Variants in APBB2 observed in about 807,000 individuals in gnomAD.
The protein encoded by APBB2 is Fe65-like 1.
Under a neutral mutation model 82.5 loss-of-function variants are expected in APBB2, and 38 were observed. The ratio of observed to expected loss-of-function variants is 0.46; its 90% confidence interval spans 0.36 to 0.60. The LOEUF is 0.60. Ranked by LOEUF, APBB2 falls within the 20% of genes least tolerant of loss-of-function variation. The pLI is 0.00. For synonymous variants in APBB2, 341 were observed against 368.2 expected, an observed-to-expected ratio of 0.93 and a Z score of 0.85; for missense variants, 772 against 972.3, an observed-to-expected ratio of 0.79 and a Z score of 2.74.
chr4:40,906,078 A>G (rs557329427), intron 10 of APBB2, among the ~76,000 whole-genome samples: 1 of 152,324 alleles, frequency 6.6e-6, no homozygotes, highest in Admixed American at 6.5e-5. Context: ...TCCTTTTAAG[A>G]CACAAGATAC....
intron 3 of APBB2, among the ~76,000 whole-genome samples, chr4:41,090,615 T>C (rs1181352513): frequency 1.3e-5 from 2 of 152,194 alleles, no homozygotes; most frequent in East Asian, 3.9e-4. Context: ...TAAAAAGATA[T>C]AGAATGCTAC....
In APBB2 at chr4:41,013,912, T is replaced by A. The variant is rs748886205; in HGVS notation, c.506A>T (p.Glu169Val). 3.7e-5 allele frequency: 60 copies of A among 1,614,056 alleles called. No homozygotes were observed. The highest frequency in any genetic ancestry group is 4.8e-5 in the Non-Finnish European group (57 of 1,180,014). The change falls in exon 6 of 18, where the codon GAA (glutamate) becomes GTA (valine). Residue 169 changes from glutamate to valine, a missense_variant. Glu to Val is a moderately radical substitution (Grantham distance 121). Transcript: ENST00000508593. ...KSFLNYYADL[E>V]TSARELEQNR... is the part of the protein sequence containing the mutation. ...CTGCTCTAGTTCTCTGGCTGAGGTTTCCAGATCTGCATAGTAATTTAGGAA... is the reference window on the plus strand; with the variant it reads ...CTGCTCTAGTTCTCTGGCTGAGGTTACCAGATCTGCATAGTAATTTAGGAA...
chr4:41,088,569 A>G (rs925676048), intron 3 of APBB2, among the ~76,000 whole-genome samples: 4 of 152,206 alleles, frequency 2.6e-5, no homozygotes, highest in Non-Finnish European at 5.9e-5. Flanking sequence ...AAGACTTGGG[A>G]GAAGGAAGGA....
chr4:41,008,649 T>C (rs1334847030), intron 6 of APBB2, among the ~76,000 whole-genome samples: 1 of 152,238 alleles, frequency 6.6e-6, no homozygotes, highest in Non-Finnish European at 1.5e-5. Flanking sequence ...ATAATAATCA[T>C]GAATATTCAT....
chr4:40,861,014 G>A (rs1245847661), intron 12 of APBB2, among the ~76,000 whole-genome samples: 1 of 152,054 alleles, frequency 6.6e-6, no homozygotes, highest in Non-Finnish European at 1.5e-5. Context: ...ATGTATTTCT[G>A]ACCAGCTGGG....
chr4:40,960,048 C>A (rs1218515917), intron 6 of APBB2, among the ~76,000 whole-genome samples: 3 of 151,918 alleles, frequency 2.0e-5, no homozygotes, highest in African/African-American at 7.3e-5. Flanking sequence ...AGGTTAAGTG[C>A]CCTTAAAAAA....
chr4:40,985,676 T>C (rs1343787138), intron 6 of APBB2, among the ~76,000 whole-genome samples: 5 of 152,336 alleles, frequency 3.3e-5, no homozygotes, highest in Middle Eastern at 3.4e-3. Flanking sequence ...TAAAGGCAGA[T>C]TTCTTACCAG....
In APBB2 at chr4:40,813,775, ATTTG is replaced by A. The variant is rs1326155935; in HGVS notation, c.*2313_*2316del. 3 of 152,214 alleles carry A rather than the reference ATTTG, an allele frequency of 2.0e-5. No individual in the cohort carries two copies. The highest frequency in any genetic ancestry group is 7.2e-5 in the African/African-American group (3 of 41,462). The allele number at this position is 152,214 out of a possible 1,614,324, so 9.4% of individuals were successfully genotyped here. A position where few individuals can be genotyped will look rare whatever the true frequency, so the allele number is the denominator to read the frequency against. On this transcript the variant is annotated 3_prime_UTR_variant, in exon 18 of 18. Transcript: ENST00000508593. ...GAGATTTCCAATATAAAAGTGGGTA[ATTTG>A]TTTAGAATTTTGAAATTTATCACAC...
intron 1 of APBB2, among the ~76,000 whole-genome samples, chr4:41,144,251 T>C (rs2154022828): frequency 6.6e-6 from 1 of 152,346 alleles, no homozygotes; most frequent in South Asian, 2.1e-4. Flanking sequence ...TAACATTACA[T>C]TAATCTCTAC....
At chr4:40,910,183 G>A (rs1778177516) in intron 10 of APBB2, among the ~76,000 whole-genome samples, 1 of 151,008 alleles carries the variant, frequency 6.6e-6, no homozygotes, top group Admixed American at 6.6e-5. Context: ...GGCCAGGCTG[G>A]CCTCGAACTC....
rs190989115 is a variant in APBB2 at position 40,857,422 on chromosome 4, T to A, written c.1530-26845A>T. ...ACTTAGAAACTTCATTCAAACCCAC[T>A]GAACCTCTTTAGAAAAAGTTGATGC... On this transcript the variant is annotated intron_variant, in intron 12 of 17. Coordinates refer to ENST00000508593, the MANE Select transcript of APBB2 (RefSeq NM_004307.2). Among the ~76,000 whole-genome samples the A allele has an allele frequency of 4.4e-3, 676 of 152,340 alleles. 5 individuals carry two copies. The highest frequency in any genetic ancestry group is 0.015 in the African/African-American group (642 of 41,578).
At chr4:41,108,705 G>A (rs1748115494) in intron 2 of APBB2, among the ~76,000 whole-genome samples, 1 of 152,174 alleles carries the variant, frequency 6.6e-6, no homozygotes, top group South Asian at 2.1e-4. Flanking sequence ...ACCCCTGGCT[G>A]AGCCTGCATC....
At position 41,018,159 on chromosome 4, in the gene APBB2, A is replaced by G. The variant is rs139984132; in HGVS notation, c.20-3761T>C. 1.7e-3 allele frequency among the ~76,000 whole-genome samples: 259 copies of G among 152,212 alleles called. 1 individual carries two copies. Among genetic ancestry groups the G allele is most frequent in the African/African-American group, 6.1e-3 (251 of 41,448 alleles). On this transcript the variant is annotated intron_variant, in intron 5 of 17. Coordinates refer to ENST00000508593, the MANE Select transcript of APBB2 (RefSeq NM_004307.2). ...ACATGTTAGGGATTATCATAATCTT[A>G]TAGCTCCCTCCTTCCTTGCACACTT...
intron 7 of APBB2, among the ~76,000 whole-genome samples, chr4:40,943,970 A>G (rs572912278): frequency 6.6e-6 from 1 of 152,402 alleles, no homozygotes; most frequent in African/African-American, 2.4e-5. Flanking sequence ...GATTTAGGAA[A>G]TAAGACATTG....
intron 2 of APBB2, among the ~76,000 whole-genome samples, chr4:41,141,920 T>A (rs35063553): frequency 3.4e-4 from 52 of 152,272 alleles, no homozygotes; most frequent in Non-Finnish European, 5.3e-4. Context: ...TTATGAGAGT[T>A]ACAATTCAAG....
At chr4:41,092,929 G>T (rs1742275590) in intron 3 of APBB2, among the ~76,000 whole-genome samples, 1 of 152,102 alleles carries the variant, frequency 6.6e-6, no homozygotes, top group Admixed American at 6.6e-5. Context: ...GCCAAGCAGA[G>T]GCCAATGGGG....
At chr4:41,033,669 T>G (rs978904713) in intron 4 of APBB2, among the ~76,000 whole-genome samples, 1 of 143,632 alleles carries the variant, frequency 7.0e-6, no homozygotes, top group African/African-American at 2.6e-5. Flanking sequence ...TTTTGCCACG[T>G]AAAAATTAAA....
chr4:41,134,561 T>C (rs2154010334), intron 2 of APBB2, among the ~76,000 whole-genome samples: 1 of 152,266 alleles, frequency 6.6e-6, no homozygotes, highest in African/African-American at 2.4e-5. Flanking sequence ...TATACAAGTA[T>C]ATCATGGAGT....
chr4:41,021,609 C>T (rs561036397), intron 5 of APBB2, among the ~76,000 whole-genome samples: 1 of 152,308 alleles, frequency 6.6e-6, no homozygotes, highest in African/African-American at 2.4e-5. Context: ...ACTCACCAAT[C>T]AGCACTCTGT....
Sources: allele counts gnomAD v4.1 joint callset (sites outside exome capture counted in the v4.1 genomes callset), GRCh38; gene constraint gnomAD v4.1.1; transcripts MANE v1.5; gene names NCBI Gene and HGNC (gene_info 2026-07-23, HGNC 2026-07-21).